DMD: variants seen among roughly 807,000 people sequenced by gnomAD.
DMD encodes mutant dystrophin.
Under a neutral mutation model 330.1 loss-of-function variants are expected in DMD, and 63 were observed. The ratio of observed to expected loss-of-function variants is 0.19; its 90% confidence interval spans 0.16 to 0.24. The LOEUF is 0.24. Ranked by LOEUF, DMD falls within the 10% of genes least tolerant of loss-of-function variation. DMD has a pLI of 1.00. For synonymous variants in DMD, 1,223 were observed against 959.8 expected, an observed-to-expected ratio of 1.27 and a Z score of -5.07; for missense variants, 3,344 against 2,684.1, an observed-to-expected ratio of 1.25 and a Z score of -5.43.
Position 32,005,829 on chromosome X carries a change from TGTA to T in DMD, c.6439-37318_6439-37316del, listed in dbSNP as rs753501583. ...ACTTATTTCTCCATTTTATATAACT[TGTA>T]GTACCATCATTAAGTAGTATTAAAT... On this transcript the variant is annotated intron_variant, in intron 44 of 78. Coordinates refer to ENST00000357033, the MANE Select transcript of DMD (RefSeq NM_004006.3). Among the ~76,000 whole-genome samples, 3 of 111,615 alleles carry T rather than the reference TGTA, an allele frequency of 2.7e-5. No homozygotes were observed. In the East Asian group the frequency reaches 8.4e-4, roughly 31 times the overall value.
At chrX:32,816,811 G>A (rs1344081558) in intron 5 of DMD, among the ~76,000 whole-genome samples, 171 bp from the exon 6 acceptor site, 1 of 111,602 alleles carries the variant, frequency 9.0e-6, no homozygotes, top group Non-Finnish European at 1.9e-5. Context: ...AAGGCTAGGA[G>A]TCTATTCTGA....
intron 54 of DMD, among the ~76,000 whole-genome samples, chrX:31,631,571 T>C (rs887810759): frequency 2.7e-5 from 3 of 111,190 alleles, no homozygotes; most frequent in Non-Finnish European, 5.7e-5. Flanking sequence ...GATTGTGTTG[T>C]AGTTGTGACT....
At chrX:31,936,002 G>C (rs899447641) in intron 45 of DMD, among the ~76,000 whole-genome samples, 2 of 109,905 alleles carry the variant, frequency 1.8e-5, no homozygotes, top group Admixed American at 2.0e-4. Context: ...TGTATTACTG[G>C]GTTCAAACCC....
chrX:33,186,800 A>C (rs1443706699), intron 1 of DMD, among the ~76,000 whole-genome samples: 1 of 111,743 alleles, frequency 8.9e-6, no homozygotes, highest in Non-Finnish European at 1.9e-5. Context: ...ACAAGTCAAC[A>C]ATTCTAAAGA....
chrX:31,759,135 C>G (rs1423781976), intron 51 of DMD, among the ~76,000 whole-genome samples: 1 of 110,400 alleles, frequency 9.1e-6, no homozygotes, highest in Admixed American at 9.7e-5. Context: ...TACAAGAAAA[C>G]CAGAAAAAAA....
intron 1 of DMD, among the ~76,000 whole-genome samples, chrX:33,100,972 G>T (rs1197686392): frequency 9.0e-6 from 1 of 111,341 alleles, no homozygotes; most frequent in Non-Finnish European, 1.9e-5. Flanking sequence ...CCACTAGGAA[G>T]CTGCTGGAAG....
chrX:31,352,211 A>G (rs993146672), intron 60 of DMD, among the ~76,000 whole-genome samples: 2 of 111,157 alleles, frequency 1.8e-5, no homozygotes, highest in African/African-American at 6.5e-5. Flanking sequence ...AGAATGTGAT[A>G]CCATAAGATT....
At chrX:32,155,120 T>C (rs1025609672) in intron 44 of DMD, among the ~76,000 whole-genome samples, 1 of 109,668 alleles carries the variant, frequency 9.1e-6, no homozygotes, top group Non-Finnish European at 1.9e-5. Context: ...GAGCAAATAA[T>C]GGAAGGATGC....
At chrX:32,752,577 G>GAGTT (rs111286804) in intron 7 of DMD, among the ~76,000 whole-genome samples, 6,269 of 105,631 alleles carry the variant, frequency 0.059, 490 homozygotes, top group African/African-American at 0.21. Flanking sequence ...GTGGAGTTTT[G>GAGTT]AGTTAATGAG....
intron 2 of DMD, among the ~76,000 whole-genome samples, chrX:32,939,580 C>G (rs1188883288): frequency 9.0e-6 from 1 of 111,682 alleles, no homozygotes; most frequent in African/African-American, 3.2e-5. Flanking sequence ...TTCCACTATT[C>G]TGGTAAGTAA....
chrX:31,362,791 A>T (rs1438338413), intron 60 of DMD, among the ~76,000 whole-genome samples: 1 of 112,230 alleles, frequency 8.9e-6, no homozygotes, highest in Non-Finnish European at 1.9e-5. Context: ...AAAAACACAA[A>T]AAAATTAAAT....
chrX:31,822,680 G>GTGTGTGTGTGTC (rs2092797681), intron 49 of DMD, among the ~76,000 whole-genome samples: 1 of 104,541 alleles, frequency 9.6e-6, no homozygotes, highest in African/African-American at 3.5e-5. Context: ...GTGTGTGTGT[G>GTGTGTGTGTGTC]TGTGTGTGTG....
At chrX:32,685,040 G>A (rs1356137485) in intron 9 of DMD, among the ~76,000 whole-genome samples, 4 of 111,457 alleles carry the variant, frequency 3.6e-5, no homozygotes, top group African/African-American at 6.5e-5. Flanking sequence ...CAATAGAAAT[G>A]TTAAGATTTT....
intron 44 of DMD, among the ~76,000 whole-genome samples, chrX:32,097,054 AT>A (rs199593842): frequency 3.6e-5 from 4 of 110,986 alleles, no homozygotes; most frequent in Admixed American, 2.9e-4. Context: ...ATTAATGAAC[AT>A]TTTTTTTGGA....
chrX:32,184,191 C>G (rs2147498654), intron 44 of DMD, among the ~76,000 whole-genome samples: 1 of 109,712 alleles, frequency 9.1e-6, no homozygotes, highest in Non-Finnish European at 1.9e-5. Flanking sequence ...ACTGTAAGTC[C>G]TAAATGTAAA....
chrX:33,118,112 CTT>C (rs373799098), intron 1 of DMD, among the ~76,000 whole-genome samples: 5 of 90,401 alleles, frequency 5.5e-5, no homozygotes, highest in Non-Finnish European at 6.4e-5. Flanking sequence ...GTTCAAGACT[CTT>C]TTTTTTTTTT....
intron 60 of DMD, among the ~76,000 whole-genome samples, chrX:31,396,354 G>A (rs2060936925): frequency 9.1e-6 from 1 of 110,255 alleles, no homozygotes; most frequent in Admixed American, 9.7e-5. Context: ...AGCCAGGATG[G>A]TCTCCATCTC....
At chrX:32,347,176 CATT>C (rs1232467515) in intron 38 of DMD, among the ~76,000 whole-genome samples, 6 of 111,369 alleles carry the variant, frequency 5.4e-5, no homozygotes, top group Non-Finnish European at 1.1e-4. Flanking sequence ...AATATAGACA[CATT>C]ATATACTTAT....
intron 2 of DMD, among the ~76,000 whole-genome samples, chrX:32,869,660 T>C (rs1590200): frequency 0.4 from 42,579 of 107,461 alleles, 6,467 homozygotes; most frequent in Admixed American, 0.42. Context: ...AGCTTGAAGA[T>C]TATCTTGCTG....
Sources: gnomAD v4.1 joint callset for allele counts (sites outside exome capture counted in the v4.1 genomes callset) on GRCh38, gnomAD v4.1.1 for gene constraint, MANE v1.5 for transcripts, NCBI Gene and HGNC (gene_info 2026-07-23, HGNC 2026-07-21) for gene names.